Variants in DSCAML1 observed in about 807,000 individuals in gnomAD.
The protein encoded by DSCAML1 is cell adhesion molecule DSCAML1.
Under a neutral mutation model 200.5 loss-of-function variants are expected in DSCAML1, and 38 were observed. The observed-to-expected ratio is 0.19, with a 90% CI of 0.15 to 0.25. DSCAML1 has a LOEUF of 0.25. Among genes scored for constraint, DSCAML1 ranks in the 10% least tolerant of loss-of-function variants. The probability of loss-of-function intolerance (pLI) is 1.00; values close to 1 mark genes in which losing one functional copy is unlikely to be tolerated. For synonymous variants in DSCAML1, 1,215 were observed against 1,165.0 expected (o/e 1.04, Z -0.87); for missense variants, 2,223 against 2,858.8 (o/e 0.78, Z 5.07).
intron 3 of DSCAML1, among the ~76,000 whole-genome samples, chr11:117,706,821 T>A (rs1457274568): frequency 6.6e-6 from 1 of 152,242 alleles, no homozygotes; most frequent in Middle Eastern, 3.2e-3. Context: ...ACCACTGACC[T>A]GAAGGGTTAA....
intron 21 of DSCAML1, among the ~76,000 whole-genome samples, 169 bp from the exon 22 acceptor site, chr11:117,440,105 A>G (rs2048012502): frequency 6.6e-6 from 1 of 152,200 alleles, no homozygotes; most frequent in South Asian, 2.1e-4. Context: ...GCTGGGAGAC[A>G]TTGACTCAAG....
chr11:117,577,070 C>T (rs151009811), intron 3 of DSCAML1, among the ~76,000 whole-genome samples: 7 of 152,296 alleles, frequency 4.6e-5, no homozygotes, highest in South Asian at 2.1e-4. Flanking sequence ...GTGTGATGGA[C>T]GGAGCCCCAC....
At chr11:117,466,993 A>G (rs2048592118) in intron 16 of DSCAML1, among the ~76,000 whole-genome samples, 1 of 152,164 alleles carries the variant, frequency 6.6e-6, no homozygotes, top group South Asian at 2.1e-4. Flanking sequence ...CTGAGGCCCG[A>G]ATGAGCCCTG....
In DSCAML1 at chr11:117,502,915, C is replaced by T. The variant is rs1040868412; in HGVS notation, c.2359+930G>A. On this transcript the variant is annotated intron_variant, in intron 11 of 32. Coordinates refer to ENST00000651296, the MANE Select transcript of DSCAML1 (RefSeq NM_020693.4). ...GCCAAGTATGCTCATCAAGGTCCCA[C>T]GACAGTAAGTCCTGGCTCCCAGATT... 3.9e-5 allele frequency among the ~76,000 whole-genome samples: 6 copies of T among 152,114 alleles called. No homozygotes were observed. In the South Asian group the frequency reaches 8.3e-4, roughly 21 times the overall value.
At chr11:117,680,837 G>A (rs1591393641) in intron 3 of DSCAML1, among the ~76,000 whole-genome samples, 1 of 152,214 alleles carries the variant, frequency 6.6e-6, no homozygotes, top group Non-Finnish European at 1.5e-5. Flanking sequence ...CAAAGGGGCT[G>A]GACCTGCAGC....
intron 3 of DSCAML1, among the ~76,000 whole-genome samples, chr11:117,753,002 G>A (rs190234127): frequency 3.2e-4 from 49 of 152,310 alleles, no homozygotes; most frequent in Middle Eastern, 3.4e-3. Context: ...GTGGGAGCAC[G>A]GGAGTGGTGG....
intron 14 of DSCAML1, among the ~76,000 whole-genome samples, chr11:117,474,848 G>A (rs915639786): frequency 1.3e-5 from 2 of 151,216 alleles, no homozygotes; most frequent in Admixed American, 6.6e-5. Flanking sequence ...TCCGCCTCCC[G>A]GGTTCGTGCC....
chr11:117,610,840 A>ACCCC (rs5795096), intron 3 of DSCAML1, among the ~76,000 whole-genome samples: 2 of 112,552 alleles, frequency 1.8e-5, no homozygotes, highest in African/African-American at 3.3e-5. Context: ...AACCAAAACA[A>ACCCC]CCCCCCCCCC....
At chr11:117,812,650 C>T (rs996920031) in intron 1 of DSCAML1, among the ~76,000 whole-genome samples, 2 of 151,746 alleles carry the variant, frequency 1.3e-5, no homozygotes, top group African/African-American at 4.8e-5. Flanking sequence ...ACAGACAGCC[C>T]CCATTACTTC....
intron 3 of DSCAML1, among the ~76,000 whole-genome samples, chr11:117,571,783 A>G (rs1291324616): frequency 1.3e-5 from 2 of 152,180 alleles, no homozygotes; most frequent in Non-Finnish European, 2.9e-5. Context: ...CCAGACGGCT[A>G]AGGAATTCTA....
chr11:117,522,988 A>G (rs752896746), intron 5 of DSCAML1, among the ~76,000 whole-genome samples: 6 of 152,094 alleles, frequency 3.9e-5, no homozygotes, highest in Non-Finnish European at 7.4e-5. Context: ...GTGGGAGTGT[A>G]CACATCTGGA....
rs779344457 is a variant in DSCAML1 at position 117,481,214 on chromosome 11, C to T, written c.2616G>A (p.Ser872=). ...SVFFSCHAIN[S]YGEDRGLIQL... is the part of the protein sequence containing the mutation. ...GGATCAAGCCCCGGTCCTCCCCATA[C>T]GAGTTGATGGCATGGCAGCTGAAGA... Residue 872 remains serine, a synonymous_variant, in exon 13 of 33, where the codon TCG becomes TCA. Transcript: ENST00000651296. 3.6e-5 allele frequency: 58 copies of T among 1,613,772 alleles called. No homozygotes were observed. The highest frequency in any genetic ancestry group is 8.9e-5 in the East Asian group (4 of 44,826).
chr11:117,781,940 AG>A (rs2055271931), intron 1 of DSCAML1, among the ~76,000 whole-genome samples: 1 of 152,234 alleles, frequency 6.6e-6, no homozygotes, highest in African/African-American at 2.4e-5. Flanking sequence ...GTTGGAATCA[AG>A]GGGTGTCCCC....
chr11:117,559,062 T>A (rs1214865784), intron 3 of DSCAML1, among the ~76,000 whole-genome samples: 3 of 152,100 alleles, frequency 2.0e-5, no homozygotes, highest in Non-Finnish European at 4.4e-5. Context: ...GGGGAGAAGT[T>A]GGGAAGGACA....
chr11:117,484,622 G>A (rs770789865), intron 11 of DSCAML1, among the ~76,000 whole-genome samples: 7 of 152,204 alleles, frequency 4.6e-5, no homozygotes, highest in African/African-American at 7.2e-5. Flanking sequence ...AAGGATGTGC[G>A]GAGGAATATT....
Position 117,504,840 on chromosome 11 carries a change from A to C in DSCAML1, c.2182+84T>G. On this transcript the variant is annotated intron_variant, in intron 10 of 32. Transcript: ENST00000651296. This position sits in a 1 kb window ranked among gnomAD's most constrained non-coding sequence, Gnocchi z 5.0. ...CCATCCAGGGATAGGAGTTGCCTGC[A>C]TGGAACAGGTTCAAATCCCACAGAG... 10 of 1,500,496 alleles carry C rather than the reference A, an allele frequency of 6.7e-6. No homozygotes were observed. The highest frequency in any genetic ancestry group is 8.9e-6 in the Non-Finnish European group (10 of 1,119,702). 92.9% of individuals were successfully genotyped at this position (1,500,496 alleles called of 1,614,324 possible).
Position 117,504,071 on chromosome 11 carries a change from C to A in DSCAML1, c.2183-50G>T. 6.3e-7 allele frequency: 1 copy of A among 1,595,304 alleles called. No individual in the cohort carries two copies. The highest frequency in any genetic ancestry group is 2.2e-5 in the East Asian group (1 of 44,714). On this transcript the variant is annotated intron_variant, in intron 10 of 32. Transcript: ENST00000651296. The surrounding 1 kb of genome is among the most constrained non-coding windows in gnomAD (Gnocchi z 5.0). Reference sequence around the variant, plus strand: ...GGCTGAGTCTGCACTGGGGCATAAGCTGAGAGTGCCCCAGGAGTGGCCCTG... The same window carrying A: ...GGCTGAGTCTGCACTGGGGCATAAGATGAGAGTGCCCCAGGAGTGGCCCTG...
At chr11:117,703,379 A>C (rs2053701235) in intron 3 of DSCAML1, among the ~76,000 whole-genome samples, 1 of 152,114 alleles carries the variant, frequency 6.6e-6, no homozygotes. Flanking sequence ...TCTGGTCTCT[A>C]CCAGGGCCCC....
intron 3 of DSCAML1, among the ~76,000 whole-genome samples, chr11:117,748,590 G>T (rs775834170): frequency 1.3e-5 from 2 of 152,204 alleles, no homozygotes; most frequent in African/African-American, 2.4e-5. Context: ...AGTTCCAGCA[G>T]GTGTGGAATG....
Sources: allele counts gnomAD v4.1 joint callset (sites outside exome capture counted in the v4.1 genomes callset), GRCh38; gene constraint gnomAD v4.1.1; non-coding constraint Gnocchi (gnomAD v3.1); transcripts MANE v1.5; gene names NCBI Gene and HGNC (gene_info 2026-07-23, HGNC 2026-07-21).